Variants in ANKRD31 observed in about 807,000 individuals in gnomAD.
ANKRD31 encodes the protein ankyrin repeat domain 31, also known as ankyrin repeat domain-containing protein 31.
Under a neutral mutation model 186.0 loss-of-function variants are expected in ANKRD31, and 147 were observed. That is an observed-to-expected ratio of 0.79 (90% CI 0.69 to 0.91). The LOEUF is 0.91. ANKRD31 is among the 40% of genes least tolerant of loss of function. ANKRD31 has a pLI of 0.00. For missense variants in ANKRD31, 1,986 were observed against 2,148.8 expected (o/e 0.92, Z 1.50); for synonymous variants, 673 against 736.4 (o/e 0.91, Z 1.39).
chr5:75,165,441 G>C (rs1010827399), intron 11 of ANKRD31, among the ~76,000 whole-genome samples: 3 of 152,040 alleles, frequency 2.0e-5, no homozygotes, highest in Non-Finnish European at 2.9e-5. Context: ...AGAAACAAAT[G>C]TTTAGCTTAA....
Position 75,080,716 on chromosome 5 carries a change from C to T in ANKRD31, c.5576-77G>A, listed in dbSNP as rs541252698. 43 of 785,048 alleles carry T rather than the reference C, an allele frequency of 5.5e-5. No individual in the cohort carries two copies. In the South Asian group the frequency reaches 1.1e-3, roughly 19 times the overall value. The allele number at this position is 785,048 out of a possible 1,614,324, so 48.6% of individuals were successfully genotyped here. On this transcript the variant is annotated intron_variant, in intron 24 of 25. Coordinates refer to ENST00000506364, the MANE Select transcript of ANKRD31 (RefSeq NM_001372053.1). ...TCTGGTCAAATCAGGATGATGGTCA[C>T]CCTACCGATGGGAAATACAAATAGC... is the stretch of plus-strand genomic sequence containing the variant.
In ANKRD31 at chr5:75,104,731, T is replaced by C; in HGVS notation, c.4828A>G (p.Ile1610Val). ...TTCTGTGAATATTCTGTTTGACCAA[T>C]AAAAGCAACAGGTTGGGATGGTAAT... ...NKLPSQPVAF[I>V]GQTEYSQKEN... is the part of the protein sequence containing the mutation. The change falls in exon 22 of 26, where the codon ATT becomes GTT. Residue 1610 changes from isoleucine (I) to valine (V), a missense_variant. Transcript: ENST00000506364. The C allele has an allele frequency of 6.5e-7, 1 of 1,537,210 alleles. No homozygotes were observed. The highest frequency in any genetic ancestry group is 8.7e-7 in the Non-Finnish European group (1 of 1,146,888).
intron 3 of ANKRD31, among the ~76,000 whole-genome samples, chr5:75,220,377 A>C (rs1757212291): frequency 6.6e-6 from 1 of 152,192 alleles, no homozygotes; most frequent in African/African-American, 2.4e-5. Context: ...ACGGTGGCTC[A>C]CACCTGTAAT....
intron 11 of ANKRD31, among the ~76,000 whole-genome samples, chr5:75,163,514 T>C (rs1186453882): frequency 5.9e-5 from 9 of 152,196 alleles, no homozygotes; most frequent in Admixed American, 2.6e-4. Flanking sequence ...TCTCTTAGGG[T>C]GACTGAATAA....
chr5:75,188,741 C>A lies in ANKRD31; in HGVS notation c.1409-93G>T, dbSNP rs1198595692. 5 of 1,090,886 alleles carry A rather than the reference C, an allele frequency of 4.6e-6. No homozygotes were observed. In the Admixed American group the frequency reaches 1.3e-4, roughly 28 times the overall value. 67.6% of individuals were successfully genotyped at this position (1,090,886 alleles called of 1,614,324 possible). On this transcript the variant is annotated intron_variant, in intron 9 of 25. Transcript: ENST00000506364. ...ACCACATATTTCAAACTACAAACTT[C>A]ACGAACATAGGTAACAGGATTAACT...
chr5:75,232,377 C>T lies in ANKRD31; in HGVS notation c.105-1742G>A, dbSNP rs140859928. 2.7e-3 allele frequency among the ~76,000 whole-genome samples: 417 copies of T among 152,236 alleles called. 2 individuals are homozygous for T. Among genetic ancestry groups the T allele is most frequent in the African/African-American group, 8.9e-3 (371 of 41,548 alleles). On this transcript the variant is annotated intron_variant, in intron 1 of 25. Coordinates refer to ENST00000506364, the MANE Select transcript of ANKRD31 (RefSeq NM_001372053.1). The stretch of plus-strand genomic sequence containing the variant: ...CGCCCAGGTTCAAGTGATCCTCCTG[C>T]CTCAGCCTCCCAAGTAGCTGAGATT...
chr5:75,201,891 A>T (rs1285000539), intron 5 of ANKRD31, among the ~76,000 whole-genome samples: 2 of 152,218 alleles, frequency 1.3e-5, no homozygotes, highest in Non-Finnish European at 2.9e-5. Context: ...TGGTCTCCAC[A>T]ACCCCTTATC....
At chr5:75,093,892 A>C (rs1260498359) in intron 22 of ANKRD31, among the ~76,000 whole-genome samples, 1 of 152,210 alleles carries the variant, frequency 6.6e-6, no homozygotes, top group Non-Finnish European at 1.5e-5. Context: ...GCCTTACAAG[A>C]AATAATAAAG....
chr5:75,154,255 T>A lies in ANKRD31; in HGVS notation c.1798A>T (p.Met600Leu). 6.5e-7 allele frequency: 1 copy of A among 1,535,260 alleles called. No homozygotes were observed. ...CALDEAKDLC[M>L]KRLLERYIPK... ...ATATATCTCTCAAGGAGACGCTTCA[T>A]ACATAAATCCTTGGCCTCATCCAAA... Residue 600 changes from methionine (M) to leucine (L), a missense_variant, in exon 12 of 26, where the codon ATG (methionine) becomes TTG (leucine). Coordinates refer to ENST00000506364, the MANE Select transcript of ANKRD31 (RefSeq NM_001372053.1).
Position 75,146,715 on chromosome 5 carries a change from T to A in ANKRD31, c.2696A>T (p.Asp899Val), listed in dbSNP as rs930800882. 11 of 1,536,244 alleles carry A rather than the reference T, an allele frequency of 7.2e-6. No individual in the cohort carries two copies. In the African/African-American group the frequency reaches 1.5e-4, roughly 21 times the overall value. The change falls in exon 14 of 26, where the codon GAT (aspartate) becomes GTT (valine). Residue 899 changes from aspartate (D) to valine (V), a missense_variant. By Grantham distance (152) the Asp-to-Val change is radical (BLOSUM62 -3). Transcript: ENST00000506364. ...AGAGCAATCATCATCATCATCATTA[T>A]CAGAATTTTCCTTTACAAAGGATAG... The part of the protein sequence containing the change: ...SFLSFVKENS[D>V]NDDDDDCSTS...
rs567460922 is a variant in ANKRD31, at chr5:75,091,208, A to G, written c.5472+53T>C. On this transcript the variant is annotated intron_variant, in intron 23 of 25. Coordinates refer to ENST00000506364, the MANE Select transcript of ANKRD31 (RefSeq NM_001372053.1). The stretch of plus-strand genomic sequence containing the variant: ...TAAAAAATACTTTCATCACAAAAAT[A>G]TGTACTTTTCCATTTGAATATGAAG... 5.7e-5 allele frequency: 84 copies of G among 1,486,236 alleles called. No individual in the cohort carries two copies. In the African/African-American group the frequency reaches 1.1e-3, roughly 19 times the overall value. The allele number at this position is 1,486,236 out of a possible 1,614,324, so 92.1% of individuals were successfully genotyped here. A position where few individuals can be genotyped will look rare whatever the true frequency, so the allele number is the denominator to read the frequency against.
intron 10 of ANKRD31, among the ~76,000 whole-genome samples, chr5:75,177,003 GA>G (rs755625883): frequency 6.6e-6 from 1 of 152,074 alleles, no homozygotes; most frequent in Non-Finnish European, 1.5e-5. Flanking sequence ...TAGACGAATG[GA>G]TAACTAGAAT....
At position 75,144,183 on chromosome 5, in the gene ANKRD31, AT is replaced by A. The variant is rs1751259024; in HGVS notation, c.3425-13del. 2.5e-6 allele frequency: 1 copy of A among 396,656 alleles called. No homozygotes were observed. The highest frequency in any genetic ancestry group is 4.4e-6 in the Non-Finnish European group (1 of 224,838). The allele number at this position is 396,656 out of a possible 1,614,324, so 24.6% of individuals were successfully genotyped here. A position where few individuals can be genotyped will look rare whatever the true frequency, so the allele number is the denominator to read the frequency against. ...AGTTAATTCCTCATCTGAAACAAACATTTTACAATATCAGTGTTGTTGTTCT... is the reference window on the plus strand; with the variant it reads ...AGTTAATTCCTCATCTGAAACAAACATTTACAATATCAGTGTTGTTGTTCT... On this transcript the variant is annotated splice_polypyrimidine_tract_variant and intron_variant, in intron 14 of 25. Coordinates refer to ENST00000506364, the MANE Select transcript of ANKRD31 (RefSeq NM_001372053.1).
chr5:75,132,092 A>G (rs1160966110), intron 17 of ANKRD31, among the ~76,000 whole-genome samples: 2 of 152,332 alleles, frequency 1.3e-5, no homozygotes, highest in East Asian at 3.9e-4. Flanking sequence ...AATTCTAAAA[A>G]TCAGAGCGCC....
At chr5:75,080,053 G>A (rs1035041157) in intron 25 of ANKRD31, among the ~76,000 whole-genome samples, 9 of 151,808 alleles carry the variant, frequency 5.9e-5, no homozygotes, top group Non-Finnish European at 1.2e-4. Flanking sequence ...AGCCGAGATC[G>A]TGCCACCACA....
At chr5:75,159,297 G>GA (rs1752418087) in intron 11 of ANKRD31, among the ~76,000 whole-genome samples, 1 of 151,932 alleles carries the variant, frequency 6.6e-6, no homozygotes, top group South Asian at 2.1e-4. Flanking sequence ...ACAGGAGAGA[G>GA]AAAAAGCAGC....
At chr5:75,113,438 A>C (rs1052945695) in intron 19 of ANKRD31, among the ~76,000 whole-genome samples, 6 of 152,188 alleles carry the variant, frequency 3.9e-5, no homozygotes, top group African/African-American at 1.4e-4. Context: ...CACTAACATA[A>C]TAATGTCTTG....
Position 75,083,558 on chromosome 5 carries a change from G to A in ANKRD31, c.5575+714C>T, listed in dbSNP as rs187952600. Among the ~76,000 whole-genome samples, 1,141 of 152,092 alleles carry A rather than the reference G, an allele frequency of 7.5e-3. 8 individuals carry two copies. The highest frequency in any genetic ancestry group is 0.015 in the South Asian group (74 of 4,802). Reference sequence around the variant, plus strand: ...AGCCTGGCTAACATGGTGAAACCCCGTCTCCACTAAAACTACAAAAAATTA... The same window carrying A: ...AGCCTGGCTAACATGGTGAAACCCCATCTCCACTAAAACTACAAAAAATTA... On this transcript the variant is annotated intron_variant, in intron 24 of 25. Transcript: ENST00000506364.
chr5:75,118,824 C>T (rs1170623658), intron 17 of ANKRD31, among the ~76,000 whole-genome samples: 1 of 152,086 alleles, frequency 6.6e-6, no homozygotes, highest in Non-Finnish European at 1.5e-5. Flanking sequence ...ATTTCTGACG[C>T]CCAGAAGGAT....
Sources: gnomAD v4.1 joint callset for allele counts (sites outside exome capture counted in the v4.1 genomes callset) on GRCh38, gnomAD v4.1.1 for gene constraint, MANE v1.5 for transcripts, NCBI Gene and HGNC (gene_info 2026-07-23, HGNC 2026-07-21) for gene names.